The following MAP4K2 variants were observed in gnomAD, a reference collection of about 807,000 sequenced individuals.
MAP4K2 encodes the protein mitogen-activated protein kinase kinase kinase kinase 2, also known as B lymphocyte serine/threonine protein kinase.
In MAP4K2, 85 loss-of-function variants were observed where a neutral mutation model predicts 125.3. The observed-to-expected ratio is 0.68, with a 90% CI of 0.57 to 0.81. The LOEUF (loss-of-function observed/expected upper bound fraction) is 0.81. Among genes scored for constraint, MAP4K2 ranks in the 40% least tolerant of loss-of-function variants. The pLI is 0.00. For missense variants in MAP4K2, 923 were observed against 1,056.4 expected (o/e 0.87, Z 1.75); for synonymous variants, 479 against 445.1 (o/e 1.08, Z -0.96).
At chr11:64,799,073 G>A (rs1941001255) in intron 14 of MAP4K2, among the ~76,000 whole-genome samples, 1 of 152,210 alleles carries the variant, frequency 6.6e-6, no homozygotes, top group African/African-American at 2.4e-5. Context: ...AGAGACCAGT[G>A]ACAGAGCCGA....
intron 12 of MAP4K2, 55 bp from the exon 13 acceptor site, chr11:64,799,738 C>T (rs1941048314): frequency 1.4e-6 from 2 of 1,463,960 alleles, no homozygotes; most frequent in Admixed American, 1.7e-5. Flanking sequence ...CATGCCGGGG[C>T]TGCTCTAGGA....
chr11:64,798,417 G>C (rs1358035178), intron 15 of MAP4K2, among the ~76,000 whole-genome samples: 1 of 152,170 alleles, frequency 6.6e-6, no homozygotes, highest in Non-Finnish European at 1.5e-5. Flanking sequence ...GCCCACCTCG[G>C]CCTCCCAAAG....
At position 64,797,549 on chromosome 11, in the gene MAP4K2, T is replaced by A. The variant is rs1785263628; in HGVS notation, c.1137-15A>T. 1 of 1,571,824 alleles carries A rather than the reference T, an allele frequency of 6.4e-7. No individual in the cohort carries two copies. The highest frequency in any genetic ancestry group is 1.2e-5 in the South Asian group (1 of 85,706). On this transcript the variant is annotated splice_polypyrimidine_tract_variant and intron_variant, in intron 16 of 31. Transcript: ENST00000294066. ...TAGTCAGACTCCTGTGGGAGGGAGA[T>A]GAGGCGTGAGGCATGAGGTGTGACT... is the stretch of plus-strand genomic sequence containing the variant.
rs1238825295 is a variant in MAP4K2 at position 64,787,265 on chromosome 11, G to C, written c.*2272C>G. 2 of 151,894 alleles carry C rather than the reference G, an allele frequency of 1.3e-5. No individual in the cohort carries two copies. The highest frequency in any genetic ancestry group is 4.8e-5 in the African/African-American group (2 of 41,322). 9.4% of individuals were successfully genotyped at this position (151,894 alleles called of 1,614,324 possible). A position where few individuals can be genotyped will look rare whatever the true frequency, so the allele number is the denominator to read the frequency against. ...AGGCTGGTCTCGAACCCCTGACCTCGTGATTCGCCCGCCTCGGCCTCCCAA... is the reference window on the plus strand; with the variant it reads ...AGGCTGGTCTCGAACCCCTGACCTCCTGATTCGCCCGCCTCGGCCTCCCAA... On this transcript the variant is annotated 3_prime_UTR_variant, in exon 32 of 32. Coordinates refer to ENST00000294066, the MANE Select transcript of MAP4K2 (RefSeq NM_004579.5).
In MAP4K2 at chr11:64,796,969, G is replaced by C. The variant is rs780353151; in HGVS notation, c.1407+13C>G. ...AGGGCTGTGGGACTGCAGGGCTTGGGGCAAACACTTACATGCACCTTGGGA... is the reference window on the plus strand; with the variant it reads ...AGGGCTGTGGGACTGCAGGGCTTGGCGCAAACACTTACATGCACCTTGGGA... On this transcript the variant is annotated intron_variant, in intron 20 of 31. Transcript: ENST00000294066. The C allele has an allele frequency of 4.5e-5, 72 of 1,613,706 alleles. No individual in the cohort carries two copies. Among genetic ancestry groups the C allele is most frequent in the Non-Finnish European group, 6.0e-5 (71 of 1,179,892 alleles).
rs1318535759 is a variant in MAP4K2 at position 64,789,716 on chromosome 11, G to T, written c.2375+14C>A. The T allele has an allele frequency of 6.2e-7, 1 of 1,613,954 alleles. No homozygotes were observed. Among genetic ancestry groups the T allele is most frequent in the South Asian group, 1.1e-5 (1 of 91,076 alleles). On this transcript the variant is annotated intron_variant, in intron 31 of 31. Transcript: ENST00000294066. ...AGGGGCATCTGAAGGGGAGGCTAGG[G>T]TACCACCGCCTACCTGTGGGCCCCA...
chr11:64,802,281 G>A (rs953749598), intron 4 of MAP4K2, 138 bp downstream of exon 4: 5 of 1,107,472 alleles, frequency 4.5e-6, no homozygotes, highest in East Asian at 5.1e-5. Flanking sequence ...GAGATGGACA[G>A]TATTTCTCTC....
Position 64,800,989 on chromosome 11 carries a change from G to A in MAP4K2, c.573C>T (p.Tyr191=). Reference sequence around the variant, plus strand: ...GGGCCCAGACGTCACATAGCTCATTGTAGCCACCTTTGCGCTCCACAGCAG... The same window carrying A: ...GGGCCCAGACGTCACATAGCTCATTATAGCCACCTTTGCGCTCCACAGCAG... ...EVAAVERKGG[Y]NELCDVWALG... Residue 191 remains tyrosine (Y), a synonymous_variant, in exon 9 of 32, where the codon TAC becomes TAT. Transcript: ENST00000294066. 6.2e-7 allele frequency: 1 copy of A among 1,614,006 alleles called. No individual in the cohort carries two copies. The highest frequency in any genetic ancestry group is 8.5e-7 in the Non-Finnish European group (1 of 1,180,008).
Position 64,784,936 on chromosome 11 carries a change from T to G in MAP4K2, c.*4601A>C, listed in dbSNP as rs528576767. On this transcript the variant is annotated 3_prime_UTR_variant, in exon 32 of 32. Transcript: ENST00000294066. ...AGGTACATGAATGTTTATAGCAGCT[T>G]TATTTGTAATAGTTCACAACGGAAC... The G allele has an allele frequency of 6.6e-6, 1 of 152,358 alleles. No individual in the cohort carries two copies. Among genetic ancestry groups the G allele is most frequent in the African/African-American group, 2.4e-5 (1 of 41,582 alleles). The allele number at this position is 152,358 out of a possible 1,614,324, so 9.4% of individuals were successfully genotyped here.
At chr11:64,801,986 C>G (rs541889893) in intron 5 of MAP4K2, 80 bp downstream of exon 5, 10 of 1,448,764 alleles carry the variant, frequency 6.9e-6, no homozygotes, top group Non-Finnish European at 1.9e-6. Context: ...GCACTCCACC[C>G]GCCTCCCTGC....
intron 14 of MAP4K2, 23 bp from the exon 15 acceptor site, chr11:64,798,860 C>G: frequency 6.3e-7 from 1 of 1,578,802 alleles, no homozygotes; most frequent in South Asian, 1.2e-5. Context: ...AAGGTAGAGA[C>G]CGGGGAAGAA....
chr11:64,800,943 G>A lies in MAP4K2; in HGVS notation c.619C>T (p.Leu207=). The change falls in exon 9 of 32, where the codon CTG becomes TTG. Residue 207 remains leucine (L), a synonymous_variant. Coordinates refer to ENST00000294066, the MANE Select transcript of MAP4K2 (RefSeq NM_004579.5). ...VWALGITAIE[L]GELQPPLFHL... Reference sequence around the variant, plus strand: ...AACAGAGGGGGCTGCAGCTCGCCCAGCTCAATGGCAGTGATGCCCAGGGCC... The same window carrying A: ...AACAGAGGGGGCTGCAGCTCGCCCAACTCAATGGCAGTGATGCCCAGGGCC... 2 of 1,614,042 alleles carry A rather than the reference G, an allele frequency of 1.2e-6. No individual in the cohort carries two copies. The highest frequency in any genetic ancestry group is 1.1e-5 in the South Asian group (1 of 91,092).
At chr11:64,795,406 T>C (rs1940735773) in intron 24 of MAP4K2, among the ~76,000 whole-genome samples, 1 of 151,718 alleles carries the variant, frequency 6.6e-6, no homozygotes, top group Non-Finnish European at 1.5e-5. Context: ...TTTGGGCTTT[T>C]TTTCTTTCTT....
intron 15 of MAP4K2, among the ~76,000 whole-genome samples, chr11:64,798,017 TA>T (rs1482764946): frequency 6.7e-6 from 1 of 150,208 alleles, no homozygotes; most frequent in Non-Finnish European, 1.5e-5. Context: ...TTTTTTTTTT[TA>T]AGACAGAGTT....
rs773409051 is a variant in MAP4K2 at position 64,791,964 on chromosome 11, C to T, written c.2037G>A (p.Leu679=). Residue 679 remains leucine, a synonymous_variant, in exon 27 of 32, where the codon CTG becomes CTA. Coordinates refer to ENST00000294066, the MANE Select transcript of MAP4K2 (RefSeq NM_004579.5). ...EGPEGPGCRV[L]FHVLPLEAGL... ...CAGCCTCCAGGGGCAGGACATGGAACAGGACGCGGCAGCCGGGCCCCTCAG... is the reference window on the plus strand; with the variant it reads ...CAGCCTCCAGGGGCAGGACATGGAATAGGACGCGGCAGCCGGGCCCCTCAG... 2 of 1,605,480 alleles carry T rather than the reference C, an allele frequency of 1.2e-6. No individual in the cohort carries two copies. Among genetic ancestry groups the T allele is most frequent in the South Asian group, 1.1e-5 (1 of 89,570 alleles).
At position 64,789,419 on chromosome 11, in the gene MAP4K2, C is replaced by T; in HGVS notation, c.*118G>A. The stretch of plus-strand genomic sequence containing the variant: ...ATTTCTCAGGATTACTTCTGACCTT[C>T]AGCCCCAGCAGGGCCAGGGCCTGGG... On this transcript the variant is annotated 3_prime_UTR_variant, in exon 32 of 32. Transcript: ENST00000294066. The T allele has an allele frequency of 1.1e-6, 1 of 873,198 alleles. No homozygotes were observed. Among genetic ancestry groups the T allele is most frequent in the Admixed American group, 2.4e-5 (1 of 42,184 alleles). The allele number at this position is 873,198 out of a possible 1,614,324, so 54.1% of individuals were successfully genotyped here. A position where few individuals can be genotyped will look rare whatever the true frequency, so the allele number is the denominator to read the frequency against.
chr11:64,793,523 C>T (rs915029911), intron 24 of MAP4K2, among the ~76,000 whole-genome samples: 3 of 152,236 alleles, frequency 2.0e-5, no homozygotes, highest in East Asian at 3.9e-4. Flanking sequence ...TCCAGGGGAC[C>T]CTCTCAGCCT....
At position 64,797,307 on chromosome 11, in the gene MAP4K2, G is replaced by A. The variant is rs771053119; in HGVS notation, c.1244C>T (p.Pro415Leu). The A allele has an allele frequency of 7.5e-6, 12 of 1,602,124 alleles. No individual in the cohort carries two copies. The South Asian group carries it at 1.3e-4, about 18-fold the overall frequency. Residue 415 changes from proline (P) to leucine (L), a missense_variant, in exon 18 of 32, where the codon CCT (proline) becomes CTT (leucine). Pro to Leu is a moderately conservative substitution (Grantham distance 98). Transcript: ENST00000294066. The stretch of plus-strand genomic sequence containing the variant: ...ACTGGACAGAGGCTCCTCTGCTGGA[G>A]GGTCAGTGGGGAGTGGCCCTAGGAA... Reference protein sequence around the residue: ...APFLGPLPTDPPAEEPLSSPP... With the variant: ...APFLGPLPTDLPAEEPLSSPP...
Position 64,798,782 on chromosome 11 carries a change from T to C in MAP4K2, c.1097+12A>G, listed in dbSNP as rs1940982916. 1.9e-6 allele frequency: 3 copies of C among 1,612,648 alleles called. No individual in the cohort carries two copies. Among genetic ancestry groups the C allele is most frequent in the Admixed American group, 3.3e-5 (2 of 59,838 alleles). On this transcript the variant is annotated intron_variant, in intron 15 of 31. Transcript: ENST00000294066. ...CCTGCCACCCCCTGCAGCTTCCCCA[T>C]ACCTCACTTACCCACTCAACTCTTC...
Sources: allele counts gnomAD v4.1 joint callset (sites outside exome capture counted in the v4.1 genomes callset), GRCh38; gene constraint gnomAD v4.1.1; transcripts MANE v1.5; gene names NCBI Gene and HGNC (gene_info 2026-07-23, HGNC 2026-07-21).